The following ADGRV1 variants were observed in gnomAD, a reference collection of about 807,000 sequenced individuals.
ADGRV1 encodes the protein G-protein coupled receptor 98.
A neutral mutation model predicts 596.2 loss-of-function variants in ADGRV1; 359 were observed. The observed-to-expected ratio is 0.60, with a 90% confidence interval of 0.55 to 0.66. The LOEUF (loss-of-function observed/expected upper bound fraction) is 0.66. Ranked by LOEUF, ADGRV1 falls within the 30% of genes least tolerant of loss-of-function variation. ADGRV1 has a pLI of 0.00. For missense variants in ADGRV1, 7,274 were observed against 7,575.6 expected (o/e 0.96, Z 1.48); for synonymous variants, 2,681 against 2,679.2 (o/e 1.00, Z -0.02).
At chr5:90,853,645 AACT>A in intron 80 of ADGRV1, 112 bp downstream of exon 80, 2 of 919,370 alleles carry the variant, frequency 2.2e-6, no homozygotes, top group Non-Finnish European at 3.2e-6. Context: ...ACACATGGTG[AACT>A]ACTATGAAAT....
intron 9 of ADGRV1, 51 bp from the exon 10 acceptor site, chr5:90,635,063 A>T: frequency 7.8e-7 from 1 of 1,275,974 alleles, no homozygotes; most frequent in Non-Finnish European, 1.1e-6. Flanking sequence ...TTTTTTAAAA[A>T]ATTTATATTC....
chr5:90,832,472 C>T (rs1764603596), intron 77 of ADGRV1, among the ~76,000 whole-genome samples: 1 of 152,010 alleles, frequency 6.6e-6, no homozygotes, highest in Non-Finnish European at 1.5e-5. Flanking sequence ...TCATAGAGTT[C>T]TTTGAGCTCC....
chr5:90,721,750 AT>A (rs1751060778), intron 45 of ADGRV1, among the ~76,000 whole-genome samples: 1 of 152,076 alleles, frequency 6.6e-6, no homozygotes, highest in Admixed American at 6.6e-5. Flanking sequence ...TGTTGAAAGA[AT>A]ATAGGGGAAT....
chr5:90,642,918 A>G lies in ADGRV1; in HGVS notation c.2430A>G (p.Leu810=). The G allele has an allele frequency of 1.9e-6, 3 of 1,613,064 alleles. No homozygotes were observed. Among genetic ancestry groups the G allele is most frequent in the Non-Finnish European group, 2.5e-6 (3 of 1,179,390 alleles). Residue 810 remains leucine (L), a synonymous_variant, in exon 13 of 90, where the codon CTA becomes CTG. Coordinates refer to ENST00000405460, the MANE Select transcript of ADGRV1 (RefSeq NM_032119.4). ...RSRGSLVKQF[L]HYRVEPRDSN... is the part of the protein sequence containing the mutation. ...GGGGGTCCCTTGTTAAGCAGTTTCT[A>G]CACTACCGAGTAGAGCCAAGAGATA... is the stretch of plus-strand genomic sequence containing the variant.
intron 85 of ADGRV1, among the ~76,000 whole-genome samples, chr5:91,064,419 G>A (rs1440068808): frequency 6.6e-6 from 1 of 152,174 alleles, no homozygotes; most frequent in Non-Finnish European, 1.5e-5. Context: ...TTATGTTTCA[G>A]TGGGATAATG....
chr5:90,753,917 C>T, intron 54 of ADGRV1, 88 bp downstream of exon 54: 3 of 1,306,292 alleles, frequency 2.3e-6, no homozygotes, highest in Non-Finnish European at 3.1e-6. Context: ...GTAAATTTCT[C>T]TTTTTATATG....
intron 78 of ADGRV1, among the ~76,000 whole-genome samples, chr5:90,844,756 T>C (rs1355033931): frequency 1.3e-5 from 2 of 152,184 alleles, no homozygotes; most frequent in African/African-American, 4.8e-5. Flanking sequence ...TTTGATAGAC[T>C]ATCCCCTACC....
intron 7 of ADGRV1, 24 bp from the exon 8 acceptor site, chr5:90,628,538 T>C (rs748028194): frequency 2.4e-5 from 39 of 1,597,212 alleles, no homozygotes; most frequent in Non-Finnish European, 2.7e-5. Context: ...TGTGACAATA[T>C]GTATTTCTTT....
At chr5:90,928,738 C>T (rs28851470) in intron 83 of ADGRV1, among the ~76,000 whole-genome samples, 52,621 of 150,930 alleles carry the variant, frequency 0.35, 9,708 homozygotes, top group East Asian at 0.58. Context: ...TTTTTCTGTT[C>T]TGTTTTTTCC....
intron 28 of ADGRV1, among the ~76,000 whole-genome samples, 186 bp downstream of exon 28, chr5:90,684,381 T>C (rs1745337558): frequency 6.6e-6 from 1 of 152,196 alleles, no homozygotes; most frequent in African/African-American, 2.4e-5. Context: ...AGAAATTATG[T>C]TTTAAAAGTC....
At chr5:91,159,348 T>A (rs115190072) in intron 89 of ADGRV1, among the ~76,000 whole-genome samples, 1 of 152,210 alleles carries the variant, frequency 6.6e-6, no homozygotes, top group African/African-American at 2.4e-5. Context: ...ACAGTGTTTT[T>A]GAAGCCACTG....
At chr5:90,867,167 A>G (rs1768205648) in intron 83 of ADGRV1, among the ~76,000 whole-genome samples, 1 of 152,144 alleles carries the variant, frequency 6.6e-6, no homozygotes, top group African/African-American at 2.4e-5. Context: ...AGGAAAAGCA[A>G]TCCTCCAAAT....
At chr5:90,821,756 G>A (rs1056718366) in intron 75 of ADGRV1, among the ~76,000 whole-genome samples, 34 of 151,984 alleles carry the variant, frequency 2.2e-4, no homozygotes, top group Admixed American at 1.3e-4. Context: ...ACCCACTTGA[G>A]GAGGCAGTCT....
chr5:90,754,540 C>T (rs71637311), intron 54 of ADGRV1, among the ~76,000 whole-genome samples: 2,488 of 152,172 alleles, frequency 0.016, 24 homozygotes, highest in Non-Finnish European at 0.027. Flanking sequence ...CTGATAGGCA[C>T]GTCACTGTAA....
At chr5:90,742,751 TG>T (rs1754117268) in intron 50 of ADGRV1, among the ~76,000 whole-genome samples, 1 of 152,004 alleles carries the variant, frequency 6.6e-6, no homozygotes, top group African/African-American at 2.4e-5. Context: ...GCTTGGAAAG[TG>T]GTAGGTGATG....
chr5:90,604,755 G>T (rs1033706803), intron 1 of ADGRV1, among the ~76,000 whole-genome samples: 1 of 152,050 alleles, frequency 6.6e-6, no homozygotes, highest in African/African-American at 2.4e-5. Flanking sequence ...AAAGACAAGA[G>T]TTATCTTACT....
At chr5:91,086,169 G>A (rs1053783192) in intron 86 of ADGRV1, among the ~76,000 whole-genome samples, 1 of 152,144 alleles carries the variant, frequency 6.6e-6, no homozygotes, top group Non-Finnish European at 1.5e-5. Context: ...TGAAGTATAT[G>A]TATTTTCCAG....
At chr5:90,737,624 G>A (rs2460182) in intron 50 of ADGRV1, among the ~76,000 whole-genome samples, 112,625 of 151,734 alleles carry the variant, frequency 0.74, 42,155 homozygotes, top group African/African-American at 0.82. Context: ...TTGGGTGTAT[G>A]TATATTTATA....
intron 14 of ADGRV1, among the ~76,000 whole-genome samples, 192 bp downstream of exon 14, chr5:90,644,175 A>G (rs777406164): frequency 3.9e-5 from 6 of 152,198 alleles, no homozygotes; most frequent in Non-Finnish European, 7.3e-5. Flanking sequence ...TCGTGATGAT[A>G]CTGATGACTT....
Sources: allele counts gnomAD v4.1 joint callset (sites outside exome capture counted in the v4.1 genomes callset), GRCh38; gene constraint gnomAD v4.1.1; transcripts MANE v1.5; gene names NCBI Gene and HGNC (gene_info 2026-07-23, HGNC 2026-07-21).